The following DPY19L3 variants were observed in gnomAD, a reference collection of about 807,000 sequenced individuals.
DPY19L3 encodes protein C-mannosyl-transferase DPY19L3.
Under a neutral mutation model 92.3 loss-of-function variants are expected in DPY19L3, and 51 were observed. The ratio of observed to expected loss-of-function variants is 0.55; its 90% CI spans 0.44 to 0.70. The LOEUF is 0.70. Ranked by LOEUF, DPY19L3 falls within the 30% of genes least tolerant of loss-of-function variation. The pLI is 0.00. For missense variants in DPY19L3, 706 were observed against 855.9 expected (o/e 0.82, Z 2.18); for synonymous variants, 309 against 315.2 (o/e 0.98, Z 0.21).
intron 16 of DPY19L3, among the ~76,000 whole-genome samples, chr19:32,474,003 A>G (rs991815435): frequency 6.6e-6 from 1 of 152,028 alleles, no homozygotes; most frequent in Non-Finnish European, 1.5e-5. Context: ...GAGTTTCACC[A>G]TGTTGGCCAG....
chr19:32,479,742 G>T, intron 17 of DPY19L3: 1 of 314,864 alleles, frequency 3.2e-6, no homozygotes, highest in South Asian at 2.5e-5. Flanking sequence ...CATCCACTGA[G>T]GGTGTGTGGC....
At chr19:32,407,264 T>TCCCCCCCCCCCCCCCCCCCCCCCCCCCC (rs148363125) in intron 1 of DPY19L3, among the ~76,000 whole-genome samples, 1 of 81,320 alleles carries the variant, frequency 1.2e-5, no homozygotes, top group Non-Finnish European at 2.5e-5. Context: ...AGGCTCCTGC[T>TCCCCCCCCCCCCCCCCCCCCCCCCCCCC]CCCCCCCACC....
intron 16 of DPY19L3, among the ~76,000 whole-genome samples, chr19:32,471,533 C>T (rs1033023351): frequency 2.5e-4 from 38 of 152,184 alleles, no homozygotes; most frequent in African/African-American, 8.7e-4. Flanking sequence ...GCACCCCTTA[C>T]GTGACGTGTT....
chr19:32,465,291 C>G (rs2145603098), intron 15 of DPY19L3, among the ~76,000 whole-genome samples: 1 of 152,280 alleles, frequency 6.6e-6, no homozygotes, highest in African/African-American at 2.4e-5. Flanking sequence ...TTTTCATATT[C>G]TCATTTGACT....
chr19:32,468,824 T>G lies in DPY19L3; in HGVS notation c.1697+11T>G. The G allele has an allele frequency of 6.2e-7, 1 of 1,608,352 alleles. No individual in the cohort carries two copies. Among genetic ancestry groups the G allele is most frequent in the Admixed American group, 1.7e-5 (1 of 58,922 alleles). ...GATGAACTGGATTAAGTAAGAGGAT[T>G]TTTTTTAACTTTTAAAATTTTAAGT... is the stretch of plus-strand genomic sequence containing the variant. On this transcript the variant is annotated intron_variant, in intron 16 of 18. Coordinates refer to ENST00000392250, the MANE Select transcript of DPY19L3 (RefSeq NM_001172774.2).
intron 3 of DPY19L3, chr19:32,413,315 A>G (rs1968257587): frequency 6.6e-6 from 1 of 152,232 alleles, no homozygotes; most frequent in Non-Finnish European, 1.5e-5. Flanking sequence ...AAAGGATATT[A>G]CTTTGATGAC....
intron 8 of DPY19L3, among the ~76,000 whole-genome samples, chr19:32,449,215 G>A (rs1294416626): frequency 1.3e-5 from 2 of 152,312 alleles, no homozygotes; most frequent in African/African-American, 2.4e-5. Flanking sequence ...AGGTACAAAT[G>A]TAACACAAAG....
Position 32,458,176 on chromosome 19 carries a change from A to G in DPY19L3, c.1163+3A>G. ...AAATTTGGGCTTGGAGCAACAAGGT[A>G]TAACTGAATTGAAAGTCTATGTTTG... On this transcript the variant is annotated splice_donor_region_variant and intron_variant, in intron 11 of 18. Transcript: ENST00000392250. 6.2e-7 allele frequency: 1 copy of G among 1,612,464 alleles called. No homozygotes were observed. Among genetic ancestry groups the G allele is most frequent in the Non-Finnish European group, 8.5e-7 (1 of 1,179,114 alleles).
At chr19:32,446,000 C>CA (rs200470613) in intron 8 of DPY19L3, among the ~76,000 whole-genome samples, 442 of 130,828 alleles carry the variant, frequency 3.4e-3, no homozygotes, top group African/African-American at 5.1e-3. Context: ...AACTTCGTCT[C>CA]AAAAAAAAAA....
Position 32,408,307 on chromosome 19 carries a change from C to T in DPY19L3, c.54C>T (p.Asp18=). ...REIRATEVSE[D]FPAQEENVKL... ...TAAGAGCCACAGAAGTTTCTGAAGACTTTCCAGCCCAAGAAGAAAATGTGA... is the reference window on the plus strand; with the variant it reads ...TAAGAGCCACAGAAGTTTCTGAAGATTTTCCAGCCCAAGAAGAAAATGTGA... The change falls in exon 2 of 19, where the codon GAC becomes GAT. Residue 18 remains aspartate, a synonymous_variant. Transcript: ENST00000392250. The T allele has an allele frequency of 3.7e-6, 6 of 1,613,936 alleles. No individual in the cohort carries two copies. Among genetic ancestry groups the T allele is most frequent in the Non-Finnish European group, 5.1e-6 (6 of 1,179,988 alleles).
intron 4 of DPY19L3, among the ~76,000 whole-genome samples, chr19:32,433,906 G>A (rs1412327532): frequency 6.6e-6 from 1 of 152,094 alleles, no homozygotes; most frequent in Non-Finnish European, 1.5e-5. Flanking sequence ...GATGATTATC[G>A]TCTGTAGTTC....
chr19:32,414,235 A>G (rs1311220846), intron 3 of DPY19L3, among the ~76,000 whole-genome samples: 4 of 152,104 alleles, frequency 2.6e-5, no homozygotes, highest in African/African-American at 2.4e-5. Flanking sequence ...CCTGGCTAAC[A>G]CGGTGAAATC....
At chr19:32,457,543 GC>G (rs1396447203) in intron 10 of DPY19L3, among the ~76,000 whole-genome samples, 11 of 151,988 alleles carry the variant, frequency 7.2e-5, no homozygotes, top group Admixed American at 6.6e-4. Flanking sequence ...GGATTTTTAA[GC>G]CACAAATTTA....
intron 8 of DPY19L3, among the ~76,000 whole-genome samples, chr19:32,447,962 C>T (rs1969571109): frequency 6.6e-6 from 1 of 152,066 alleles, no homozygotes; most frequent in Middle Eastern, 3.2e-3. Flanking sequence ...GTTCTGATCT[C>T]AGGAAGAGTG....
intron 8 of DPY19L3, among the ~76,000 whole-genome samples, chr19:32,447,844 A>AT (rs1969566123): frequency 6.6e-6 from 1 of 150,874 alleles, no homozygotes; most frequent in Non-Finnish European, 1.5e-5. Context: ...AGATAGATAG[A>AT]TAGATAGATA....
chr19:32,411,533 A>G lies in DPY19L3; in HGVS notation c.237+161A>G, dbSNP rs1045710725. 4 of 531,420 alleles carry G rather than the reference A, an allele frequency of 7.5e-6. 1 individual carries two copies. The Admixed American group carries it at 1.1e-4, about 15-fold the overall frequency. 32.9% of individuals were successfully genotyped at this position (531,420 alleles called of 1,614,324 possible). On this transcript the variant is annotated intron_variant, in intron 3 of 18. Transcript: ENST00000392250. ...ATAACTTTTGTGTTTATTATTTTAAAATAACATATTAGAATCTTTTTTTAA... is the reference window on the plus strand; with the variant it reads ...ATAACTTTTGTGTTTATTATTTTAAGATAACATATTAGAATCTTTTTTTAA...
chr19:32,436,644 C>G (rs547592389), intron 5 of DPY19L3, 77 bp downstream of exon 5: 3 of 1,232,314 alleles, frequency 2.4e-6, no homozygotes, highest in Non-Finnish European at 3.2e-6. Context: ...GTTATCACAT[C>G]GTTCTTTCTG....
intron 8 of DPY19L3, among the ~76,000 whole-genome samples, chr19:32,449,431 T>C (rs1969625828): frequency 6.6e-6 from 1 of 152,072 alleles, no homozygotes; most frequent in Admixed American, 6.6e-5. Context: ...ATCCTGAAAT[T>C]CATATGGAAA....
intron 16 of DPY19L3, among the ~76,000 whole-genome samples, chr19:32,471,453 C>T (rs1172091080): frequency 6.6e-6 from 1 of 152,208 alleles, no homozygotes. Flanking sequence ...TGGGATGAAT[C>T]ACAACTAGAG....
Sources: gnomAD v4.1 joint callset for allele counts (sites outside exome capture counted in the v4.1 genomes callset) on GRCh38, gnomAD v4.1.1 for gene constraint, MANE v1.5 for transcripts, NCBI Gene and HGNC (gene_info 2026-07-23, HGNC 2026-07-21) for gene names.